The following F5 variants were observed in gnomAD, a reference collection of about 807,000 sequenced individuals.
F5 encodes the protein activated protein c cofactor.
A neutral mutation model predicts 216.4 loss-of-function variants in F5; 138 were observed. The ratio of observed to expected loss-of-function variants is 0.64; its 90% confidence interval spans 0.56 to 0.73. The LOEUF is 0.73. Ranked by LOEUF, F5 falls within the 30% of genes least tolerant of loss-of-function variation. The pLI, the probability that F5 is intolerant of heterozygous loss-of-function variation, is 0.00. For synonymous variants in F5, 916 were observed against 930.7 expected (o/e 0.98, Z 0.29); for missense variants, 2,403 against 2,674.0 (o/e 0.90, Z 2.24).
chr1:169,541,176 G>T lies in F5; in HGVS notation c.3914C>A (p.Pro1305Gln), dbSNP rs774366863. 1 of 1,574,710 alleles carries T rather than the reference G, an allele frequency of 6.4e-7. No homozygotes were observed. Among genetic ancestry groups the T allele is most frequent in the South Asian group, 1.2e-5 (1 of 83,800 alleles). ...SPELSHMTLSPELSQTNLSPA... is the reference protein window; with the variant it reads ...SPELSHMTLSQELSQTNLSPA... The stretch of plus-strand genomic sequence containing the variant: ...GGAAAGGTTTGTCTGACTGAGTTCT[G>T]GAGAGAGAGTCATATGGCTGAGTTC... The change falls in exon 13 of 25, where the codon CCA becomes CAA. Residue 1305 changes from proline (P) to glutamine (Q), a missense_variant. Physicochemically the swap from Pro to Gln is moderately conservative, Grantham distance 76 (BLOSUM62 -1). This residue lies in a region of F5 where 26 missense variants were observed against 60.6 expected (regional missense o/e 0.43). Transcript: ENST00000367797.
intron 1 of F5, among the ~76,000 whole-genome samples, chr1:169,583,417 A>G (rs1304683718): frequency 6.6e-6 from 1 of 152,210 alleles, no homozygotes; most frequent in African/African-American, 2.4e-5. Context: ...CATGACTTCT[A>G]TACAGCGCGG....
At chr1:169,525,258 A>G (rs1458510144) in intron 18 of F5, among the ~76,000 whole-genome samples, 2 of 152,120 alleles carry the variant, frequency 1.3e-5, no homozygotes, top group African/African-American at 2.4e-5. Flanking sequence ...GCACTCTGGG[A>G]GGCCGAGGGG....
Position 169,527,933 on chromosome 1 carries a change from C to T in F5, c.5581G>A (p.Val1861Ile). Residue 1861 changes from valine (V) to isoleucine (I), a missense_variant, in exon 17 of 25, where the codon GTC becomes ATC. Around this residue, in one of 4 missense-constraint regions of F5, gnomAD observed 659 missense variants for 787.9 expected, o/e 0.84. Transcript: ENST00000367797. ...ENGNKQHQLG[V>I]WPLLPGSFKT... ...TCTTTACCAGGCAGAAGGGGCCAGA[C>T]CCCTAACTGGTGCTGTTTATTGCCA... The T allele has an allele frequency of 6.2e-7, 1 of 1,613,584 alleles. No individual in the cohort carries two copies. The highest frequency in any genetic ancestry group is 8.5e-7 in the Non-Finnish European group (1 of 1,179,784).
chr1:169,573,233 CCACCA>C (rs202021518), intron 2 of F5, among the ~76,000 whole-genome samples: 2,117 of 152,232 alleles, frequency 0.014, 46 homozygotes, highest in African/African-American at 0.048. Flanking sequence ...CAGGTGTGAG[CCACCA>C]CGCCTCGTCT....
chr1:169,527,844 GAGA>G (rs1367864201), intron 17 of F5, 68 bp downstream of exon 17: 1 of 1,569,006 alleles, frequency 6.4e-7, no homozygotes. Flanking sequence ...AGGAAGAAAT[GAGA>G]AGGAGTTACA....
At chr1:169,520,792 A>C (rs778444643) in intron 21 of F5, 128 bp from the exon 22 acceptor site, 3 of 797,956 alleles carry the variant, frequency 3.8e-6, no homozygotes, top group Non-Finnish European at 6.1e-6. Context: ...CAATTTGGTT[A>C]TAAAATATAC....
At chr1:169,525,318 C>CA (rs574649484) in intron 18 of F5, among the ~76,000 whole-genome samples, 8 of 151,190 alleles carry the variant, frequency 5.3e-5, no homozygotes, top group Admixed American at 2.6e-4. Flanking sequence ...CTCTTCTCTA[C>CA]AAAAAAAATA....
At chr1:169,574,358 T>C (rs1258377216) in intron 2 of F5, among the ~76,000 whole-genome samples, 1 of 152,214 alleles carries the variant, frequency 6.6e-6, no homozygotes, top group African/African-American at 2.4e-5. Context: ...CTTGGGAATC[T>C]GGACTTTAAC....
chr1:169,582,474 A>T lies in F5; in HGVS notation c.207T>A (p.Tyr69Ter). The T allele has an allele frequency of 6.4e-7, 1 of 1,560,548 alleles. No homozygotes were observed. Among genetic ancestry groups the T allele is most frequent in the Non-Finnish European group, 8.8e-7 (1 of 1,134,390 alleles). The part of the protein sequence containing the change: ...TSFKKIVYRE[Y>*]EPYFKKEKPQ... ...GTTTTTCTTTCTTAAAATATGGTTC[A>T]TACTCTCTGTAGACAATTTTCTTAA... Residue 69 changes from tyrosine to a stop codon, truncating the protein, a stop_gained, in exon 2 of 25, where the codon TAT becomes TAA. Transcript: ENST00000367797. LOFTEE classifies it high-confidence loss of function.
chr1:169,529,837 T>G lies in F5; in HGVS notation c.5209-19A>C, dbSNP rs1157676379. On this transcript the variant is annotated intron_variant, in intron 15 of 24. Coordinates refer to ENST00000367797, the MANE Select transcript of F5 (RefSeq NM_000130.5). The stretch of plus-strand genomic sequence containing the variant: ...CTTTTTCCTGGAAAAACAGAGTAAA[T>G]TGTATTGCCTCTTTCTCAGGAATTT... The G allele has an allele frequency of 6.3e-7, 1 of 1,593,794 alleles. No homozygotes were observed. Among genetic ancestry groups the G allele is most frequent in the Non-Finnish European group, 8.6e-7 (1 of 1,162,438 alleles).
At chr1:169,520,781 T>TC in intron 21 of F5, 117 bp from the exon 22 acceptor site, 1 of 846,906 alleles carries the variant, frequency 1.2e-6, no homozygotes, top group South Asian at 1.6e-5. Flanking sequence ...CCAAACTAAA[T>TC]CAATTTGGTT....
At position 169,513,335 on chromosome 1, in the gene F5, A is replaced by C. The variant is rs1571553923; in HGVS notation, c.*978T>G. The stretch of plus-strand genomic sequence containing the variant: ...TGACTGTCTATCTCATGTGATTTTA[A>C]GGATGTCTAAAGGTTCCCCAGTTGT... On this transcript the variant is annotated 3_prime_UTR_variant, in exon 25 of 25. Coordinates refer to ENST00000367797, the MANE Select transcript of F5 (RefSeq NM_000130.5). Among the ~76,000 whole-genome samples, 1 of 151,994 alleles carries C rather than the reference A, an allele frequency of 6.6e-6. No individual in the cohort carries two copies. The highest frequency in any genetic ancestry group is 2.4e-5 in the African/African-American group (1 of 41,396).
intron 3 of F5, among the ~76,000 whole-genome samples, chr1:169,569,882 T>C (rs935185432): frequency 6.6e-6 from 1 of 151,996 alleles, no homozygotes; most frequent in African/African-American, 2.4e-5. Context: ...GCAGTTAGTT[T>C]ATCCCCACTC....
intron 3 of F5, 70 bp from the exon 4 acceptor site, chr1:169,560,836 TG>T (rs1660465246): frequency 4.4e-6 from 6 of 1,379,034 alleles, no homozygotes. Context: ...CTCTCAAATC[TG>T]GGGATAGCTA....
At position 169,560,610 on chromosome 1, in the gene F5, T is replaced by C; in HGVS notation, c.530A>G (p.Asn177Ser). Residue 177 changes from asparagine (N) to serine (S), a missense_variant, in exon 4 of 25, where the codon AAT becomes AGT. Asn to Ser is a conservative substitution (Grantham distance 46). This residue lies in a region of F5 where 1,425 missense variants were observed against 1,554.8 expected (regional missense o/e 0.92). Transcript: ENST00000367797. Reference protein sequence around the residue: ...CLTHIYYSHENLIEDFNSGLI... With the variant: ...CLTHIYYSHESLIEDFNSGLI... Reference sequence around the variant, plus strand: ...CCCCGAGTTGAAATCCTCGATCAGATTTTCATGGGAGTAATAGATGTGTGT... The same window carrying C: ...CCCCGAGTTGAAATCCTCGATCAGACTTTCATGGGAGTAATAGATGTGTGT... 6.2e-7 allele frequency: 1 copy of C among 1,613,704 alleles called. No individual in the cohort carries two copies. The highest frequency in any genetic ancestry group is 8.5e-7 in the Non-Finnish European group (1 of 1,179,790).
At chr1:169,537,712 A>G (rs1428545188) in intron 13 of F5, among the ~76,000 whole-genome samples, 1 of 152,202 alleles carries the variant, frequency 6.6e-6, no homozygotes, top group Non-Finnish European at 1.5e-5. Flanking sequence ...CAAATGACCA[A>G]CAAATATATG....
In F5 at chr1:169,542,116, G is replaced by T. The variant is rs1464144223; in HGVS notation, c.2974C>A (p.Pro992Thr). The change falls in exon 13 of 25, where the codon CCT becomes ACT. Residue 992 changes from proline to threonine, a missense_variant. This residue lies in a region of F5 where 1,425 missense variants were observed against 1,554.8 expected (regional missense o/e 0.92). Transcript: ENST00000367797. Reference protein sequence around the residue: ...WGESTPLANKPGKQSGHPKFP... With the variant: ...WGESTPLANKTGKQSGHPKFP... ...TTTGGGTGGCCACTCTGCTTTCCAG[G>T]CTTGTTGGCAAGAGGGGTGCTTTCT... The T allele has an allele frequency of 3.1e-6, 5 of 1,614,008 alleles. No homozygotes were observed. Among genetic ancestry groups the T allele is most frequent in the Non-Finnish European group, 4.2e-6 (5 of 1,179,992 alleles).
intron 2 of F5, among the ~76,000 whole-genome samples, chr1:169,575,989 G>A (rs913458204): frequency 6.6e-6 from 1 of 152,222 alleles, no homozygotes; most frequent in African/African-American, 2.4e-5. Flanking sequence ...TCTGAGTTAG[G>A]AAGAGCTTGG....
At chr1:169,527,495 A>T (rs1309947736) in intron 17 of F5, among the ~76,000 whole-genome samples, 5 of 152,118 alleles carry the variant, frequency 3.3e-5, no homozygotes, top group Non-Finnish European at 7.4e-5. Context: ...TGATTCCTGG[A>T]GTCACTTGCC....
Sources: gnomAD v4.1 joint callset for allele counts (sites outside exome capture counted in the v4.1 genomes callset) on GRCh38, gnomAD v4.1.1 for gene constraint, gnomAD v4.1.1 regional missense constraint, MANE v1.5 for transcripts, NCBI Gene and HGNC (gene_info 2026-07-23, HGNC 2026-07-21) for gene names.